The following SYNE3 variants were observed in gnomAD, a reference collection of about 807,000 sequenced individuals.
The protein encoded by SYNE3 is spectrin repeat containing nuclear envelope family member 3.
A neutral mutation model predicts 111.2 loss-of-function variants in SYNE3; 100 were observed. The ratio of observed to expected loss-of-function variants is 0.90; its 90% CI spans 0.77 to 1.06. The LOEUF (loss-of-function observed/expected upper bound fraction) is 1.06. Among genes scored for constraint, SYNE3 ranks in the 50% least tolerant of loss-of-function variants. The pLI is 0.00. For synonymous variants in SYNE3, 547 were observed against 533.9 expected (o/e 1.02, Z -0.34); for missense variants, 1,160 against 1,240.3 (o/e 0.94, Z 0.97).
At chr14:95,475,602 A>T in intron 2 of SYNE3, 76 bp downstream of exon 2, 1 of 1,314,796 alleles carries the variant, frequency 7.6e-7, no homozygotes, top group Non-Finnish European at 9.7e-7. Flanking sequence ...TTTCACAGAT[A>T]GGAAACCTGA....
intron 9 of SYNE3, among the ~76,000 whole-genome samples, chr14:95,444,909 T>G (rs1204266591): frequency 6.6e-6 from 1 of 152,210 alleles, no homozygotes; most frequent in East Asian, 1.9e-4. Context: ...GGCCTGTTTT[T>G]GTAAATAAAG....
chr14:95,507,961 T>C (rs1209818203), intron 1 of SYNE3, among the ~76,000 whole-genome samples: 5 of 152,198 alleles, frequency 3.3e-5, no homozygotes. Context: ...ACAGAAAGGA[T>C]TTCCTTTGAG....
chr14:95,425,785 A>T (rs1187756), intron 17 of SYNE3, among the ~76,000 whole-genome samples: 86,356 of 151,708 alleles, frequency 0.57, 26,081 homozygotes, highest in Non-Finnish European at 0.67. Flanking sequence ...ATAAATTCAA[A>T]AGAGACTATT....
rs114418751 is a variant in SYNE3 at position 95,421,849 on chromosome 14, C to T, written c.2728-3823G>A. Reference sequence around the variant, plus strand: ...CACAGGGCCTTTGCACAGGCTGTCCCGTGTGTCTGGAATGCTCATTGCCCT... The same window carrying T: ...CACAGGGCCTTTGCACAGGCTGTCCTGTGTGTCTGGAATGCTCATTGCCCT... On this transcript the variant is annotated intron_variant, in intron 17 of 17. Coordinates refer to ENST00000682763, the MANE Select transcript of SYNE3 (RefSeq NM_152592.6). 7.6e-3 allele frequency among the ~76,000 whole-genome samples: 1,162 copies of T among 152,318 alleles called. 11 individuals are homozygous for T. The highest frequency in any genetic ancestry group is 0.026 in the African/African-American group (1,060 of 41,560).
At position 95,470,437 on chromosome 14, in the gene SYNE3, T is replaced by C. The variant is rs1000513096; in HGVS notation, c.145-2470A>G. On this transcript the variant is annotated intron_variant, in intron 2 of 17. Transcript: ENST00000682763. The surrounding 1 kb of genome is among the most constrained non-coding windows in gnomAD (Gnocchi z 4.2). Reference sequence around the variant, plus strand: ...GCTGAGGCCAGGAGTATGCAACCACTCTGGGCAAGACAGTGAGGCCCCATC... The same window carrying C: ...GCTGAGGCCAGGAGTATGCAACCACCCTGGGCAAGACAGTGAGGCCCCATC... Among the ~76,000 whole-genome samples the C allele has an allele frequency of 1.3e-5, 2 of 150,776 alleles. No individual in the cohort carries two copies. Among genetic ancestry groups the C allele is most frequent in the South Asian group, 4.2e-4 (2 of 4,744 alleles).
chr14:95,470,668 GA>G lies in SYNE3; in HGVS notation c.145-2702del, dbSNP rs11310202. ...CCTGTCACTAAAAAACTAAAAATAA[GA>G]AAAAAAAGAGCCGGATGTGGTGGCT... On this transcript the variant is annotated intron_variant, in intron 2 of 17. Transcript: ENST00000682763. This position sits in a 1 kb window ranked among gnomAD's most constrained non-coding sequence, Gnocchi z 4.2. Among the ~76,000 whole-genome samples, 104,321 of 151,260 alleles carry G rather than the reference GA, an allele frequency of 0.69. 36,305 individuals carry two copies. The highest frequency in any genetic ancestry group is 0.77 in the African/African-American group (31,700 of 41,206).
intron 11 of SYNE3, 119 bp downstream of exon 11, chr14:95,443,036 A>G: frequency 7.7e-7 from 1 of 1,290,384 alleles, no homozygotes; most frequent in Non-Finnish European, 1.1e-6. Context: ...AAACAGGGAG[A>G]AAGAAAAAAG....
chr14:95,434,292 C>T lies in SYNE3; in HGVS notation c.2539-883G>A, dbSNP rs146436830. Among the ~76,000 whole-genome samples, 337 of 152,322 alleles carry T rather than the reference C, an allele frequency of 2.2e-3. 3 individuals are homozygous for T. The highest frequency in any genetic ancestry group is 0.01 in the Middle Eastern group (3 of 294). ...GAATGAAAACCCAGGGCAGTCAGTG[C>T]TGTGTTCAGATCTGCTTTTGCCCAC... On this transcript the variant is annotated intron_variant, in intron 15 of 17. Transcript: ENST00000682763.
intron 14 of SYNE3, among the ~76,000 whole-genome samples, chr14:95,437,549 G>A (rs1334691557): frequency 6.6e-6 from 1 of 152,208 alleles, no homozygotes; most frequent in East Asian, 1.9e-4. Context: ...ACTCAGCCGT[G>A]AAAATTCAGC....
intron 4 of SYNE3, among the ~76,000 whole-genome samples, chr14:95,462,879 G>T (rs1045553194): frequency 6.6e-6 from 1 of 152,208 alleles, no homozygotes; most frequent in Admixed American, 6.5e-5. Context: ...AGTCCAAAAG[G>T]CCAGGTACAG....
At chr14:95,502,196 T>G (rs1331370653) in intron 1 of SYNE3, among the ~76,000 whole-genome samples, 1 of 152,018 alleles carries the variant, frequency 6.6e-6, no homozygotes, top group East Asian at 1.9e-4. Flanking sequence ...CCAGGGACAG[T>G]TGGTCACACC....
At chr14:95,492,851 A>AT (rs987731682) in intron 1 of SYNE3, among the ~76,000 whole-genome samples, 45 of 151,512 alleles carry the variant, frequency 3.0e-4, no homozygotes, top group Non-Finnish European at 4.9e-4. Context: ...ACCTGGCTCT[A>AT]TTTTTTTTTA....
intron 11 of SYNE3, among the ~76,000 whole-genome samples, chr14:95,442,200 C>T (rs1476182585): frequency 6.6e-6 from 1 of 152,218 alleles, no homozygotes; most frequent in Non-Finnish European, 1.5e-5. Context: ...TCACTAGAGG[C>T]CGTGATGGTT....
At chr14:95,474,497 G>A (rs927087220) in intron 2 of SYNE3, among the ~76,000 whole-genome samples, 6 of 152,194 alleles carry the variant, frequency 3.9e-5, no homozygotes, top group African/African-American at 1.4e-4. Context: ...CTGTGAGGGA[G>A]CTTCCCAGAC....
chr14:95,470,873 G>A lies in SYNE3; in HGVS notation c.145-2906C>T, dbSNP rs1888487840. ...CTCAGGAGGCTGAGGCAGGAGACTT[G>A]CTTGAACCTGGGAGGCAGATGTTGC... On this transcript the variant is annotated intron_variant, in intron 2 of 17. Coordinates refer to ENST00000682763, the MANE Select transcript of SYNE3 (RefSeq NM_152592.6). The surrounding 1 kb of genome is among the most constrained non-coding windows in gnomAD (Gnocchi z 4.2). Among the ~76,000 whole-genome samples, 1 of 151,532 alleles carries A rather than the reference G, an allele frequency of 6.6e-6. No homozygotes were observed. The highest frequency in any genetic ancestry group is 1.5e-5 in the Non-Finnish European group (1 of 67,930).
chr14:95,433,355 G>A lies in SYNE3; in HGVS notation c.2593C>T (p.Leu865Phe), dbSNP rs889490423. 8 of 1,614,050 alleles carry A rather than the reference G, an allele frequency of 5.0e-6. No individual in the cohort carries two copies. The highest frequency in any genetic ancestry group is 6.8e-6 in the Non-Finnish European group (8 of 1,180,034). Residue 865 changes from leucine to phenylalanine, a missense_variant, in exon 16 of 18, where the codon CTC (leucine) becomes TTC (phenylalanine). Physicochemically the swap from Leu to Phe is conservative, Grantham distance 22 (BLOSUM62 0). Transcript: ENST00000682763. ...GQHLFENLLR[L>F]GPARGTSDEL... ...TCCGAGGTCCCCCTTGCTGGCCCGA[G>A]ACGAAGGAGGTTCTCAAAGAGATGC...
At chr14:95,472,969 A>G (rs1047042780) in intron 2 of SYNE3, among the ~76,000 whole-genome samples, 4 of 152,206 alleles carry the variant, frequency 2.6e-5, no homozygotes, top group Non-Finnish European at 5.9e-5. Flanking sequence ...CAGGCACTGG[A>G]GACAAGCCAA....
At chr14:95,460,350 GTGCACCACGA>G (rs1481202682) in intron 4 of SYNE3, among the ~76,000 whole-genome samples, 2 of 149,582 alleles carry the variant, frequency 1.3e-5, no homozygotes, top group Non-Finnish European at 3.0e-5. Context: ...CATTACAGGG[GTGCACCACGA>G]TGCCTAGTTT....
chr14:95,440,181 G>A, intron 11 of SYNE3, 106 bp from the exon 12 acceptor site: 2 of 1,351,230 alleles, frequency 1.5e-6, no homozygotes, highest in Non-Finnish European at 2.0e-6. Flanking sequence ...GGGGACCCCA[G>A]GGCTCCCCAC....
Sources: gnomAD v4.1 joint callset for allele counts (sites outside exome capture counted in the v4.1 genomes callset) on GRCh38, gnomAD v4.1.1 for gene constraint, Gnocchi (gnomAD v3.1) non-coding constraint, MANE v1.5 for transcripts, NCBI Gene and HGNC (gene_info 2026-07-23, HGNC 2026-07-21) for gene names.